ANKMY1: variants seen among roughly 807,000 people sequenced by gnomAD.
ANKMY1 encodes ankyrin repeat and MYND domain-containing protein 1.
ANKMY1 carries 98 observed loss-of-function variants against 102.0 expected under a neutral mutation model. The ratio of observed to expected loss-of-function variants is 0.96; its 90% CI spans 0.82 to 1.14. The LOEUF is 1.14. Ranked by LOEUF, ANKMY1 falls within the 50% of genes most tolerant of loss-of-function variation. The pLI, the probability that ANKMY1 is intolerant of heterozygous loss-of-function variation, is 0.00. For synonymous variants in ANKMY1, 582 were observed against 559.9 expected, an observed-to-expected ratio of 1.04 and a Z score of -0.56; for missense variants, 1,330 against 1,347.6, an observed-to-expected ratio of 0.99 and a Z score of 0.20.
intron 7 of ANKMY1, 21 bp from the exon 8 acceptor site, chr2:240,524,402 G>C (rs375659436): frequency 4.9e-5 from 77 of 1,576,502 alleles, no homozygotes; most frequent in Non-Finnish European, 6.5e-5. Flanking sequence ...AACCAAAAAA[G>C]TGTCATTAGA....
At position 240,479,621 on chromosome 2, in the gene ANKMY1, T is replaced by C. The variant is rs150640919; in HGVS notation, c.3081A>G (p.Glu1027=). ...TQLEQVSRRR[E]EFQ ...TGCAGCTGCTGCTTCACTGGAATTC[T>C]TCTCTCCTCCTGGAAACTTGCTCCA... Residue 1027 remains glutamate (E), a synonymous_variant, in exon 18 of 18, where the codon GAA becomes GAG. Coordinates refer to ENST00000401804, the MANE Select transcript of ANKMY1 (RefSeq NM_001282771.3). 4 of 1,613,744 alleles carry C rather than the reference T, an allele frequency of 2.5e-6. No individual in the cohort carries two copies. Among genetic ancestry groups the C allele is most frequent in the Non-Finnish European group, 3.4e-6 (4 of 1,179,990 alleles).
Position 240,523,906 on chromosome 2 carries a change from C to T in ANKMY1, c.1811G>A (p.Arg604Lys). The T allele has an allele frequency of 1.2e-6, 2 of 1,613,518 alleles. No individual in the cohort carries two copies. Among genetic ancestry groups the T allele is most frequent in the Admixed American group, 1.7e-5 (1 of 60,032 alleles). ...TSSFDKGTMR[R>K]MALSMIERRK... ...CTACTCGATCATGGACAGCGCCATC[C>T]TCCGCATGGTCCCTTTGTCGAAGCT... The change falls in exon 8 of 18, where the codon AGG becomes AAG. Residue 604 changes from arginine to lysine, a missense_variant. By Grantham distance (26) the Arg-to-Lys change is conservative. Transcript: ENST00000401804.
intron 9 of ANKMY1, among the ~76,000 whole-genome samples, chr2:240,515,409 C>A (rs568899275): frequency 2.6e-5 from 4 of 152,164 alleles, no homozygotes; most frequent in African/African-American, 9.6e-5. Context: ...GCGGCAGGCG[C>A]CTGTAATCCC....
chr2:240,489,327 G>A (rs112705365), intron 15 of ANKMY1, among the ~76,000 whole-genome samples: 2,479 of 152,150 alleles, frequency 0.016, 40 homozygotes, highest in Middle Eastern at 0.092. Context: ...ATGGTGGCAG[G>A]CACCTGTAAT....
chr2:240,520,212 A>G lies in ANKMY1; in HGVS notation c.2004+150T>C. 8.4e-7 allele frequency: 1 copy of G among 1,186,256 alleles called. No individual in the cohort carries two copies. Among genetic ancestry groups the G allele is most frequent in the Non-Finnish European group, 1.2e-6 (1 of 816,758 alleles). 73.5% of individuals were successfully genotyped at this position (1,186,256 alleles called of 1,614,324 possible). The stretch of plus-strand genomic sequence containing the variant: ...GAAAGAGCGGGCTGTGGGACCCCCC[A>G]CTGCGGCGCGCCGTCATCACTCACA... On this transcript the variant is annotated intron_variant, in intron 9 of 17. Transcript: ENST00000401804. This position sits in a 1 kb window ranked among gnomAD's most constrained non-coding sequence, Gnocchi z 4.8.
chr2:240,482,299 C>T (rs1216755065), intron 15 of ANKMY1, 38 bp from the exon 16 acceptor site: 2 of 1,587,584 alleles, frequency 1.3e-6, no homozygotes, highest in Admixed American at 1.8e-5. Context: ...ACCCACGTGG[C>T]AGGGTGGGGG....
downstream of ANKMY1, among the ~76,000 whole-genome samples, chr2:240,475,618 T>C (rs1266529180): frequency 6.6e-6 from 1 of 151,952 alleles, no homozygotes; most frequent in Non-Finnish European, 1.5e-5. Context: ...TTTTATGCTA[T>C]TGTAAATGGC....
rs2152323291 is a variant in ANKMY1, at chr2:240,520,880, G to A, written c.1833-347C>T. ...TAGCACAGCGCACACCACACAGTAC[G>A]CACACGGCACACCACACACCAGAGC... On this transcript the variant is annotated intron_variant, in intron 8 of 17. Coordinates refer to ENST00000401804, the MANE Select transcript of ANKMY1 (RefSeq NM_001282771.3). The surrounding 1 kb of genome is among the most constrained non-coding windows in gnomAD (Gnocchi z 4.8). 6.7e-6 allele frequency among the ~76,000 whole-genome samples: 1 copy of A among 149,184 alleles called. No homozygotes were observed. Among genetic ancestry groups the A allele is most frequent in the South Asian group, 2.1e-4 (1 of 4,658 alleles).
chr2:240,485,101 G>A (rs982407365), intron 15 of ANKMY1, among the ~76,000 whole-genome samples: 46 of 152,112 alleles, frequency 3.0e-4, no homozygotes, highest in African/African-American at 8.2e-4. Context: ...GGCTGAGGTG[G>A]GTGGATCATG....
chr2:240,498,293 T>A (rs867622678), intron 15 of ANKMY1, among the ~76,000 whole-genome samples: 1 of 50,752 alleles, frequency 2.0e-5, no homozygotes, highest in African/African-American at 7.0e-5. Flanking sequence ...GTGTTGGGGG[T>A]GGGGGGGGTT....
In ANKMY1 at chr2:240,523,943, G is replaced by C; in HGVS notation, c.1774C>G (p.Pro592Ala). 1.9e-6 allele frequency: 3 copies of C among 1,613,790 alleles called. No individual in the cohort carries two copies. Among genetic ancestry groups the C allele is most frequent in the Non-Finnish European group, 2.5e-6 (3 of 1,180,036 alleles). Reference sequence around the variant, plus strand: ...CCTTTGTCGAAGCTGCTGGTGCACGGTGAGGGCGAGGCCATCTTCAGCAAG... The same window carrying C: ...CCTTTGTCGAAGCTGCTGGTGCACGCTGAGGGCGAGGCCATCTTCAGCAAG... ...HSLLKMASPS[P>A]CTSSFDKGTM... The change falls in exon 8 of 18, where the codon CCG (proline) becomes GCG (alanine). Residue 592 changes from proline (P) to alanine (A), a missense_variant. Physicochemically the swap from Pro to Ala is conservative, Grantham distance 27. Coordinates refer to ENST00000401804, the MANE Select transcript of ANKMY1 (RefSeq NM_001282771.3).
chr2:240,493,590 T>C (rs2076895723), intron 15 of ANKMY1, among the ~76,000 whole-genome samples: 1 of 152,048 alleles, frequency 6.6e-6, no homozygotes, highest in South Asian at 2.1e-4. Context: ...TTTCTTTGGC[T>C]AGTATCTGTA....
At chr2:240,476,555 T>G (rs1376604698), downstream of ANKMY1, among the ~76,000 whole-genome samples, 16 of 152,252 alleles carry the variant, frequency 1.1e-4, no homozygotes, top group Non-Finnish European at 1.8e-4. Flanking sequence ...GGTGGGCCTG[T>G]CCTGGCAGAT....
chr2:240,477,073 C>G (rs1164460703), downstream of ANKMY1, among the ~76,000 whole-genome samples: 1 of 152,204 alleles, frequency 6.6e-6, no homozygotes, highest in Non-Finnish European at 1.5e-5. Context: ...AATCCCAGCA[C>G]TTTGGGAGGC....
chr2:240,501,589 T>C (rs2078189451), intron 13 of ANKMY1, among the ~76,000 whole-genome samples: 1 of 152,144 alleles, frequency 6.6e-6, no homozygotes, highest in South Asian at 2.1e-4. Context: ...AAATCAGGGA[T>C]ACACAACTCC....
intron 9 of ANKMY1, among the ~76,000 whole-genome samples, chr2:240,518,411 T>C (rs537195572): frequency 6.6e-6 from 1 of 152,250 alleles, no homozygotes; most frequent in East Asian, 1.9e-4. Context: ...TTCCCACACG[T>C]GGTTATATTT....
intron 4 of ANKMY1, among the ~76,000 whole-genome samples, chr2:240,542,035 C>A (rs1404618363): frequency 1.3e-5 from 2 of 151,694 alleles, no homozygotes; most frequent in Admixed American, 1.3e-4. Context: ...CATGGTGAAA[C>A]CCCAACTACT....
At chr2:240,557,781 G>A in intron 1 of ANKMY1, 100 bp downstream of exon 1, 1 of 789,942 alleles carries the variant, frequency 1.3e-6, no homozygotes. Context: ...CCTCCCTGGG[G>A]TGGGGACCGC....
chr2:240,524,497 G>T, intron 7 of ANKMY1, 116 bp from the exon 8 acceptor site: 3 of 1,194,110 alleles, frequency 2.5e-6, no homozygotes, highest in South Asian at 1.6e-5. Flanking sequence ...AAAGCAGCTA[G>T]GCTGAAAAGA....
Sources: gnomAD v4.1 joint callset for allele counts (sites outside exome capture counted in the v4.1 genomes callset) on GRCh38, gnomAD v4.1.1 for gene constraint, Gnocchi (gnomAD v3.1) non-coding constraint, MANE v1.5 for transcripts, NCBI Gene and HGNC (gene_info 2026-07-23, HGNC 2026-07-21) for gene names.